Variants in UBE2J1 observed in about 807,000 individuals in gnomAD.
The protein encoded by UBE2J1 is ubiquitin-conjugating enzyme E2 J1.
UBE2J1 carries 17 observed loss-of-function variants against 42.1 expected under a neutral mutation model. The observed-to-expected ratio is 0.40, with a 90% CI of 0.28 to 0.61. The LOEUF (loss-of-function observed/expected upper bound fraction) is 0.61. UBE2J1 is among the 20% of genes least tolerant of loss of function. UBE2J1 has a pLI of 0.38. For missense variants in UBE2J1, 291 were observed against 389.4 expected (o/e 0.75, Z 2.13); for synonymous variants, 127 against 137.2 (o/e 0.93, Z 0.52).
chr6:89,344,163 A>G (rs936547836), intron 1 of UBE2J1, among the ~76,000 whole-genome samples: 2 of 151,900 alleles, frequency 1.3e-5, no homozygotes, highest in African/African-American at 2.4e-5. Context: ...TCACACAGCT[A>G]GTAAATGACA....
chr6:89,338,598 C>T (rs1768156510), intron 3 of UBE2J1, 55 bp from the exon 4 acceptor site: 1 of 827,000 alleles, frequency 1.2e-6, no homozygotes, highest in Non-Finnish European at 1.7e-6. Flanking sequence ...AATGTTTATA[C>T]TTTCTGTAAA....
In UBE2J1 at chr6:89,329,309, T is replaced by C. The variant is rs1238556619; in HGVS notation, c.*370A>G. 3 of 260,474 alleles carry C rather than the reference T, an allele frequency of 1.2e-5. No homozygotes were observed. Among genetic ancestry groups the C allele is most frequent in the African/African-American group, 2.3e-5 (1 of 42,578 alleles). The allele number at this position is 260,474 out of a possible 1,614,324, so 16.1% of individuals were successfully genotyped here. On this transcript the variant is annotated 3_prime_UTR_variant, in exon 8 of 8. Transcript: ENST00000435041. Reference sequence around the variant, plus strand: ...GAAACAGAGTACTCAATAAGTGGTATTGAGTAACTAGTAATACTCATTGGA... The same window carrying C: ...GAAACAGAGTACTCAATAAGTGGTACTGAGTAACTAGTAATACTCATTGGA...
chr6:89,338,390 G>T, intron 4 of UBE2J1, 69 bp downstream of exon 4: 2 of 1,562,570 alleles, frequency 1.3e-6, no homozygotes, highest in Non-Finnish European at 1.8e-6. Flanking sequence ...AAAAATCAGA[G>T]TATTATACTT....
chr6:89,326,952 T>G lies in UBE2J1; in HGVS notation c.*2727A>C, dbSNP rs374944152. On this transcript the variant is annotated 3_prime_UTR_variant, in exon 8 of 8. Transcript: ENST00000435041. ...GGTCTCAAAAGACCAGAAAGTTTAT[T>G]CATAGCCAAAAATGACAAAAAGAGT... 3 of 152,706 alleles carry G rather than the reference T, an allele frequency of 2.0e-5. No individual in the cohort carries two copies. In the East Asian group the frequency reaches 5.8e-4, roughly 29 times the overall value. 9.5% of individuals were successfully genotyped at this position (152,706 alleles called of 1,614,324 possible).
chr6:89,338,748 A>C (rs946628588), intron 3 of UBE2J1, among the ~76,000 whole-genome samples: 25 of 138,242 alleles, frequency 1.8e-4, no homozygotes, highest in Admixed American at 3.3e-4. Context: ...TCACTGCAAG[A>C]TCCACCTCCC....
At chr6:89,346,080 G>T (rs966088468) in intron 1 of UBE2J1, among the ~76,000 whole-genome samples, 1 of 151,966 alleles carries the variant, frequency 6.6e-6, no homozygotes, top group Non-Finnish European at 1.5e-5. Flanking sequence ...TTGTAGAGCT[G>T]GGGTCCCCCT....
chr6:89,342,548 T>C, intron 2 of UBE2J1, 93 bp from the exon 3 acceptor site: 1 of 1,193,640 alleles, frequency 8.4e-7, no homozygotes. Flanking sequence ...GCAAGAAAAA[T>C]TAAATGCTTT....
intron 1 of UBE2J1, among the ~76,000 whole-genome samples, chr6:89,349,992 G>T (rs192999476): frequency 1.6e-5 from 1 of 61,946 alleles, no homozygotes; most frequent in Non-Finnish European, 3.1e-5. Flanking sequence ...ACTATTGACA[G>T]ATTATAGACA....
rs1338627247 is a variant in UBE2J1 at position 89,352,670 on chromosome 6, G to T, written c.-101C>A. On this transcript the variant is annotated 5_prime_UTR_variant, in exon 1 of 8. Coordinates refer to ENST00000435041, the MANE Select transcript of UBE2J1 (RefSeq NM_016021.3). ...GCGCGGCTCGGGCGGACGGGGCCTG[G>T]CCGAGGAGCCTCGGCAAATGCCGCC... 5 of 1,329,440 alleles carry T rather than the reference G, an allele frequency of 3.8e-6. No individual in the cohort carries two copies. The highest frequency in any genetic ancestry group is 4.9e-6 in the Non-Finnish European group (5 of 1,013,920). The allele number at this position is 1,329,440 out of a possible 1,614,324, so 82.4% of individuals were successfully genotyped here.
At chr6:89,345,635 C>T (rs143186374) in intron 1 of UBE2J1, among the ~76,000 whole-genome samples, 2,097 of 142,468 alleles carry the variant, frequency 0.015, 49 homozygotes, top group African/African-American at 0.052. Flanking sequence ...AAACCAGGCA[C>T]GGTGGCTTAG....
intron 1 of UBE2J1, among the ~76,000 whole-genome samples, chr6:89,344,108 C>T (rs954719337): frequency 4.0e-5 from 6 of 151,640 alleles, no homozygotes; most frequent in African/African-American, 1.2e-4. Flanking sequence ...TATTTTTATC[C>T]CCATTTTCCA....
At chr6:89,346,591 T>C (rs982134557) in intron 1 of UBE2J1, among the ~76,000 whole-genome samples, 2 of 152,070 alleles carry the variant, frequency 1.3e-5, no homozygotes, top group Non-Finnish European at 2.9e-5. Flanking sequence ...ACCCTAGACC[T>C]TTAAGTAACT....
At chr6:89,351,074 T>C (rs1386319231) in intron 1 of UBE2J1, among the ~76,000 whole-genome samples, 1 of 79,204 alleles carries the variant, frequency 1.3e-5, no homozygotes, top group African/African-American at 6.5e-5. Context: ...ATTCTCTTTT[T>C]TTTTTTTTTT....
chr6:89,350,460 A>T (rs1356240886), intron 1 of UBE2J1, among the ~76,000 whole-genome samples: 1 of 152,202 alleles, frequency 6.6e-6, no homozygotes, highest in Non-Finnish European at 1.5e-5. Flanking sequence ...AGAATAAAGC[A>T]AAGGAAGGAA....
Position 89,333,066 on chromosome 6 carries a change from T to C in UBE2J1, c.678+20A>G. ...ATAATGATAGAGACATACATATATA[T>C]TAAAAGATAAGAGCCATACCGATGT... On this transcript the variant is annotated intron_variant, in intron 7 of 7. Coordinates refer to ENST00000435041, the MANE Select transcript of UBE2J1 (RefSeq NM_016021.3). 1 of 1,578,748 alleles carries C rather than the reference T, an allele frequency of 6.3e-7. No homozygotes were observed. Among genetic ancestry groups the C allele is most frequent in the Admixed American group, 1.9e-5 (1 of 52,678 alleles).
chr6:89,338,616 T>C (rs1768156889), intron 3 of UBE2J1, 73 bp from the exon 4 acceptor site: 1 of 516,634 alleles, frequency 1.9e-6, no homozygotes, highest in Non-Finnish European at 3.0e-6. Flanking sequence ...AAAAATATAC[T>C]ATTTATATAT....
At chr6:89,352,276 T>G (rs1051048797) in intron 1 of UBE2J1, among the ~76,000 whole-genome samples, 2 of 152,126 alleles carry the variant, frequency 1.3e-5, no homozygotes, top group Non-Finnish European at 2.9e-5. Flanking sequence ...CTGACCCAGC[T>G]CTACGGGACC....
At chr6:89,334,062 G>A (rs2127861767) in intron 6 of UBE2J1, among the ~76,000 whole-genome samples, 1 of 152,288 alleles carries the variant, frequency 6.6e-6, no homozygotes, top group South Asian at 2.1e-4. Flanking sequence ...GGAGTGCAGA[G>A]GCACAATCTT....
chr6:89,343,862 G>A (rs896963962), intron 1 of UBE2J1, 106 bp from the exon 2 acceptor site: 17 of 761,676 alleles, frequency 2.2e-5, no homozygotes, highest in Non-Finnish European at 3.3e-5. Flanking sequence ...TAGTGCAAAT[G>A]AGCATATGGC....
Sources: gnomAD v4.1 joint callset for allele counts (sites outside exome capture counted in the v4.1 genomes callset) on GRCh38, gnomAD v4.1.1 for gene constraint, MANE v1.5 for transcripts, NCBI Gene and HGNC (gene_info 2026-07-23, HGNC 2026-07-21) for gene names.